Variants in NCOR1 observed in about 807,000 individuals in gnomAD.
NCOR1 encodes protein phosphatase 1, regulatory subunit 109.
In NCOR1, 63 loss-of-function variants were observed where a neutral mutation model predicts 288.1. The ratio of observed to expected loss-of-function variants is 0.22; its 90% CI spans 0.18 to 0.27. The LOEUF (loss-of-function observed/expected upper bound fraction) is 0.27, where lower values mean the gene tolerates loss of function less well. Ranked by LOEUF, NCOR1 falls within the 10% of genes least tolerant of loss-of-function variation. The pLI is 1.00. For missense variants in NCOR1, 2,397 were observed against 3,019.2 expected, an observed-to-expected ratio of 0.79 and a Z score of 4.83; for synonymous variants, 1,007 against 1,065.9, an observed-to-expected ratio of 0.94 and a Z score of 1.08.
At chr17:16,177,465 C>T (rs754212049) in intron 3 of NCOR1, among the ~76,000 whole-genome samples, 3 of 152,148 alleles carry the variant, frequency 2.0e-5, no homozygotes, top group African/African-American at 4.8e-5. Context: ...TACATTGTGG[C>T]AGCCTTTCTC....
At chr17:16,094,947 C>T (rs1361121744) in intron 21 of NCOR1, among the ~76,000 whole-genome samples, 4 of 152,304 alleles carry the variant, frequency 2.6e-5, no homozygotes, top group South Asian at 2.1e-4. Context: ...TGCCTTGGCC[C>T]CCCAAAGTGC....
At chr17:16,037,056 C>T (rs1406209866) in intron 44 of NCOR1, among the ~76,000 whole-genome samples, 1 of 152,170 alleles carries the variant, frequency 6.6e-6, no homozygotes, top group Non-Finnish European at 1.5e-5. Context: ...CACTTGAACA[C>T]TTAGAAGCCA....
In NCOR1 at chr17:16,061,626, C is replaced by G. The variant is rs769883958; in HGVS notation, c.5656G>C (p.Ala1886Pro). 1 of 1,614,202 alleles carries G rather than the reference C, an allele frequency of 6.2e-7. No homozygotes were observed. The highest frequency in any genetic ancestry group is 1.1e-5 in the South Asian group (1 of 91,090). ...RSVQCLYTSS[A>P]FPSGKPQPHS... is the part of the protein sequence containing the mutation. ...GGCTGGGGCTTGCCACTTGGAAAGGCTGAAGAAGTGTATAAACACTGAACA... is the reference window on the plus strand; with the variant it reads ...GGCTGGGGCTTGCCACTTGGAAAGGGTGAAGAAGTGTATAAACACTGAACA... Residue 1886 changes from alanine to proline, a missense_variant, in exon 37 of 46, where the codon GCC becomes CCC. Physicochemically the swap from Ala to Pro is conservative, Grantham distance 27 (BLOSUM62 -1). Transcript: ENST00000268712.
At chr17:16,083,756 C>A (rs1025450501) in intron 23 of NCOR1, among the ~76,000 whole-genome samples, 6 of 152,222 alleles carry the variant, frequency 3.9e-5, no homozygotes, top group South Asian at 2.1e-4. Flanking sequence ...ACTGCACCCA[C>A]CTCTTCCCCA....
intron 23 of NCOR1, among the ~76,000 whole-genome samples, chr17:16,083,023 T>C (rs557980304): frequency 3.7e-4 from 56 of 152,056 alleles, no homozygotes; most frequent in Non-Finnish European, 6.3e-4. Context: ...TCAGTATTCC[T>C]GTATCAAGAC....
chr17:16,114,368 C>T lies in NCOR1; in HGVS notation c.2055+3520G>A, dbSNP rs184004065. ...ACACAGCCATACCATATCATTCTGCCGCTGGCCCCTCCCACATCTCATGTC... is the reference window on the plus strand; with the variant it reads ...ACACAGCCATACCATATCATTCTGCTGCTGGCCCCTCCCACATCTCATGTC... On this transcript the variant is annotated intron_variant, in intron 18 of 45. Coordinates refer to ENST00000268712, the MANE Select transcript of NCOR1 (RefSeq NM_006311.4). 6.9e-3 allele frequency among the ~76,000 whole-genome samples: 1,043 copies of T among 152,126 alleles called. 10 individuals carry two copies. The highest frequency in any genetic ancestry group is 0.012 in the Non-Finnish European group (798 of 67,986).
chr17:16,095,462 G>T (rs1335821394), intron 21 of NCOR1, among the ~76,000 whole-genome samples: 11 of 144,910 alleles, frequency 7.6e-5, no homozygotes, highest in Non-Finnish European at 1.2e-4. Flanking sequence ...CCCCCGCCCG[G>T]CCAGCCGCCC....
At chr17:16,100,155 C>A (rs915258695) in intron 20 of NCOR1, among the ~76,000 whole-genome samples, 1 of 151,994 alleles carries the variant, frequency 6.6e-6, no homozygotes, top group African/African-American at 2.4e-5. Context: ...AGAATTTGCA[C>A]CAATTTATCA....
At chr17:16,186,275 T>C (rs1600176617) in intron 3 of NCOR1, among the ~76,000 whole-genome samples, 1 of 151,950 alleles carries the variant, frequency 6.6e-6, no homozygotes, top group Admixed American at 6.6e-5. Context: ...TCCCAAGGGG[T>C]TCTAATGTGC....
chr17:16,162,894 T>C (rs916196311), intron 5 of NCOR1, among the ~76,000 whole-genome samples: 6 of 152,252 alleles, frequency 3.9e-5, no homozygotes, highest in African/African-American at 1.4e-4. Context: ...CAACATGTAG[T>C]TTCCAGTGGA....
intron 21 of NCOR1, among the ~76,000 whole-genome samples, chr17:16,094,567 C>CCCTCTCCCCTCTCT: frequency 6.6e-6 from 1 of 152,030 alleles, no homozygotes; most frequent in African/African-American, 2.4e-5. Flanking sequence ...CTCCCCTCTC[C>CCCTCTCCCCTCTCT]CCTCTCCCCT....
intron 1 of NCOR1, among the ~76,000 whole-genome samples, chr17:16,203,484 A>T (rs1407097893): frequency 6.6e-6 from 1 of 152,198 alleles, no homozygotes; most frequent in East Asian, 1.9e-4. Flanking sequence ...TTAAGGTCTC[A>T]GTTCAAATGT....
At position 16,186,648 on chromosome 17, in the gene NCOR1, C is replaced by T. The variant is rs117442740; in HGVS notation, c.148G>A (p.Val50Met). 2,656 of 1,613,880 alleles carry T rather than the reference C, an allele frequency of 1.6e-3. 3 individuals carry two copies. Among genetic ancestry groups the T allele is most frequent in the Non-Finnish European group, 2.1e-3 (2,463 of 1,179,886 alleles). ...VPDYRSSHLE[V>M]SQASQLLQQQ... ...TGCAAAAGCTGTGATGCCTGACTCA[C>T]TTCAAGATGAGAGGAACGATAATCA... The change falls in exon 3 of 46, where the codon GTG becomes ATG. Residue 50 changes from valine to methionine, a missense_variant. This residue lies in a region of NCOR1 where 55 missense variants were observed against 69.6 expected (regional missense o/e 0.79). Transcript: ENST00000268712.
At chr17:16,185,683 CAAAAAAAAAAAAAA>C (rs58712974) in intron 3 of NCOR1, among the ~76,000 whole-genome samples, 2 of 33,390 alleles carry the variant, frequency 6.0e-5, no homozygotes, top group East Asian at 2.5e-3. Context: ...GACTCTTTCT[CAAAAAAAAAAAAAA>C]AAAAAAAAAA....
intron 15 of NCOR1, among the ~76,000 whole-genome samples, chr17:16,122,327 C>A (rs1451266823): frequency 2.0e-5 from 3 of 152,120 alleles, no homozygotes; most frequent in Non-Finnish European, 2.9e-5. Flanking sequence ...AAAAATAATT[C>A]TCTCCCCTTC....
chr17:16,075,339 A>AT (rs1231926027), intron 27 of NCOR1, among the ~76,000 whole-genome samples, 195 bp downstream of exon 27: 1 of 152,134 alleles, frequency 6.6e-6, no homozygotes, highest in Non-Finnish European at 1.5e-5. Context: ...CTGCGTTGTT[A>AT]ATTACTTTTT....
At position 16,098,436 on chromosome 17, in the gene NCOR1, T is replaced by C. The variant is rs755217438; in HGVS notation, c.2751A>G (p.Ser917=). The C allele has an allele frequency of 4.3e-6, 7 of 1,613,926 alleles. No homozygotes were observed. Among genetic ancestry groups the C allele is most frequent in the African/African-American group, 4.0e-5 (3 of 74,916 alleles). ...CCAGTGGATTTGGTTTTAACGGAGATGAGACGAGTATAGATCCAGTGGGGT... is the reference window on the plus strand; with the variant it reads ...CCAGTGGATTTGGTTTTAACGGAGACGAGACGAGTATAGATCCAGTGGGGT... The part of the protein sequence containing the change: ...LLNPTGSILV[S]SPLKPNPLDL... The change falls in exon 21 of 46, where the codon TCA becomes TCG. Residue 917 remains serine, a synonymous_variant. Coordinates refer to ENST00000268712, the MANE Select transcript of NCOR1 (RefSeq NM_006311.4).
chr17:16,073,668 T>C, intron 27 of NCOR1, 99 bp from the exon 28 acceptor site: 2 of 980,076 alleles, frequency 2.0e-6, no homozygotes, highest in Non-Finnish European at 2.7e-6. Flanking sequence ...AAAATAATAA[T>C]ATTAAAACTT....
chr17:16,127,175 GTATATAT>G, intron 14 of NCOR1, among the ~76,000 whole-genome samples: 4 of 141,810 alleles, frequency 2.8e-5, no homozygotes, highest in African/African-American at 8.8e-5. Context: ...ATACATGTAT[GTATATAT>G]CTGTATGTAT....
Sources: gnomAD v4.1 joint callset for allele counts (sites outside exome capture counted in the v4.1 genomes callset) on GRCh38, gnomAD v4.1.1 for gene constraint, gnomAD v4.1.1 regional missense constraint, MANE v1.5 for transcripts, NCBI Gene and HGNC (gene_info 2026-07-23, HGNC 2026-07-21) for gene names.